The following DZANK1 variants were observed in gnomAD, a reference collection of about 807,000 sequenced individuals.
DZANK1 encodes double zinc ribbon and ankyrin repeat-containing protein 1.
Under a neutral mutation model 94.5 loss-of-function variants are expected in DZANK1, and 91 were observed. The ratio of observed to expected loss-of-function variants is 0.96; its 90% CI spans 0.81 to 1.15. The LOEUF (loss-of-function observed/expected upper bound fraction) is 1.15. Among genes scored for constraint, DZANK1 ranks in the 50% most tolerant of loss-of-function variants. The pLI is 0.00. For synonymous variants in DZANK1, 312 were observed against 325.3 expected (o/e 0.96, Z 0.44); for missense variants, 903 against 916.4 (o/e 0.99, Z 0.19).
chr20:18,396,117 C>G (rs900780057), intron 15 of DZANK1, among the ~76,000 whole-genome samples: 1 of 152,208 alleles, frequency 6.6e-6, no homozygotes, highest in African/African-American at 2.4e-5. Context: ...AGATCAAGGA[C>G]ACATGGCCAC....
At chr20:18,390,249 A>C in intron 18 of DZANK1, 130 bp downstream of exon 18, 4 of 781,358 alleles carry the variant, frequency 5.1e-6, no homozygotes, top group Non-Finnish European at 6.5e-6. Flanking sequence ...GCCATTCACT[A>C]TATCCCGGGT....
At chr20:18,390,532 C>T (rs1196940024) in intron 17 of DZANK1, 73 bp from the exon 18 acceptor site, 1 of 1,434,600 alleles carries the variant, frequency 7.0e-7, no homozygotes, top group Non-Finnish European at 9.8e-7. Flanking sequence ...TTCTTTCCAA[C>T]ATTGAATTCT....
intron 5 of DZANK1, 41 bp from the exon 6 acceptor site, chr20:18,452,780 A>C: frequency 6.6e-7 from 1 of 1,514,912 alleles, no homozygotes; most frequent in Non-Finnish European, 8.9e-7. Context: ...AGCATCTGTA[A>C]TTATACATAA....
At chr20:18,405,036 T>A (rs577246084) in intron 13 of DZANK1, among the ~76,000 whole-genome samples, 227 of 151,566 alleles carry the variant, frequency 1.5e-3, no homozygotes, top group South Asian at 2.7e-3. Context: ...TCTACAAAAA[T>A]TTTTTTTTAA....
intron 14 of DZANK1, 152 bp downstream of exon 14, chr20:18,398,371 G>A: frequency 1.5e-6 from 1 of 663,950 alleles, no homozygotes; most frequent in Non-Finnish European, 2.6e-6. Flanking sequence ...TATTAGAGCA[G>A]AGCTCACAAG....
chr20:18,388,432 C>T (rs1038019618), intron 19 of DZANK1, among the ~76,000 whole-genome samples: 2 of 152,224 alleles, frequency 1.3e-5, no homozygotes, highest in African/African-American at 2.4e-5. Flanking sequence ...GCACTTTCCT[C>T]CTCTTAGCTG....
chr20:18,448,936 T>A, intron 7 of DZANK1, 48 bp downstream of exon 7: 1 of 1,452,400 alleles, frequency 6.9e-7, no homozygotes, highest in Middle Eastern at 1.8e-4. Context: ...TTGACCATGA[T>A]GTATCTTTGT....
At chr20:18,438,650 T>C (rs74555365) in intron 8 of DZANK1, among the ~76,000 whole-genome samples, 2,603 of 152,338 alleles carry the variant, frequency 0.017, 27 homozygotes, top group Non-Finnish European at 0.021. Flanking sequence ...ATTATAAGTG[T>C]ATATGACTGT....
At chr20:18,393,548 G>C (rs2056142648) in intron 17 of DZANK1, among the ~76,000 whole-genome samples, 163 bp downstream of exon 17, 1 of 152,140 alleles carries the variant, frequency 6.6e-6, no homozygotes, top group Admixed American at 6.5e-5. Context: ...TCATAATCTT[G>C]AGATACTTTA....
At chr20:18,438,613 A>G (rs1301916480) in intron 8 of DZANK1, among the ~76,000 whole-genome samples, 4 of 152,240 alleles carry the variant, frequency 2.6e-5, no homozygotes, top group Non-Finnish European at 5.9e-5. Context: ...GGATGATAAG[A>G]AGGTCAATAG....
At chr20:18,399,008 T>C (rs955857056) in intron 13 of DZANK1, among the ~76,000 whole-genome samples, 1 of 151,802 alleles carries the variant, frequency 6.6e-6, no homozygotes, top group Non-Finnish European at 1.5e-5. Flanking sequence ...GGCGTGCACC[T>C]GTAGTCCCAG....
chr20:18,432,217 C>A (rs1382172726), intron 9 of DZANK1, among the ~76,000 whole-genome samples: 1 of 152,116 alleles, frequency 6.6e-6, no homozygotes, highest in African/African-American at 2.4e-5. Flanking sequence ...TAACACTTAC[C>A]CCTATTCTTC....
In DZANK1 at chr20:18,389,846, G is replaced by A; in HGVS notation, c.1891-18C>T. The A allele has an allele frequency of 6.2e-7, 1 of 1,613,452 alleles. No individual in the cohort carries two copies. Among genetic ancestry groups the A allele is most frequent in the Non-Finnish European group, 8.5e-7 (1 of 1,179,578 alleles). On this transcript the variant is annotated intron_variant, in intron 18 of 20. Transcript: ENST00000262547. ...TCTGCTCCCTGCAGCAAACGGAAAA[G>A]GACAAACTCTCCAAAACACCCTGCA...
intron 13 of DZANK1, among the ~76,000 whole-genome samples, chr20:18,410,750 C>T (rs6045386): frequency 0.27 from 41,491 of 151,974 alleles, 5,952 homozygotes; most frequent in South Asian, 0.35. Flanking sequence ...AGTTTGAGAC[C>T]GGCAACACTG....
intron 20 of DZANK1, 36 bp from the exon 21 acceptor site, chr20:18,384,600 G>C: frequency 6.5e-7 from 1 of 1,545,358 alleles, no homozygotes; most frequent in Non-Finnish European, 8.7e-7. Context: ...GTGCACTGAA[G>C]GACTTGAACA....
At chr20:18,416,101 C>A (rs570517143) in intron 10 of DZANK1, among the ~76,000 whole-genome samples, 1 of 152,210 alleles carries the variant, frequency 6.6e-6, no homozygotes, top group South Asian at 2.1e-4. Context: ...TGCACCCTCA[C>A]GTCAGTCCCA....
intron 14 of DZANK1, chr20:18,398,257 GA>G: frequency 2.3e-6 from 1 of 442,824 alleles, no homozygotes; most frequent in Non-Finnish European, 4.2e-6. Context: ...CTGACTGTTA[GA>G]ATTTCCAATG....
chr20:18,396,897 G>T (rs1305326971), intron 14 of DZANK1, among the ~76,000 whole-genome samples: 2 of 152,190 alleles, frequency 1.3e-5, no homozygotes, highest in Admixed American at 6.5e-5. Context: ...CCTTGGAAAA[G>T]ATATCCTGGT....
At chr20:18,413,075 C>G in intron 12 of DZANK1, 1 of 581,500 alleles carries the variant, frequency 1.7e-6, no homozygotes, top group Non-Finnish European at 3.0e-6. Context: ...TAAAAGTCAG[C>G]AAATCAAGGG....
Sources: allele counts gnomAD v4.1 joint callset (sites outside exome capture counted in the v4.1 genomes callset), GRCh38; gene constraint gnomAD v4.1.1; transcripts MANE v1.5; gene names NCBI Gene and HGNC (gene_info 2026-07-23, HGNC 2026-07-21).